The following TMCC2 variants were observed in gnomAD, a reference collection of about 807,000 sequenced individuals.
TMCC2 encodes the protein transmembrane and coiled-coil domains protein 2.
A neutral mutation model predicts 49.4 loss-of-function variants in TMCC2; 16 were observed. The ratio of observed to expected loss-of-function variants is 0.32; its 90% CI spans 0.22 to 0.49. TMCC2 has a LOEUF of 0.49. TMCC2 is among the 20% of genes least tolerant of loss of function. The pLI is 0.99. For missense variants in TMCC2, 762 were observed against 989.8 expected, an observed-to-expected ratio of 0.77 and a Z score of 3.09; for synonymous variants, 397 against 434.1, an observed-to-expected ratio of 0.91 and a Z score of 1.06.
At chr1:205,246,741 G>A in intron 2 of TMCC2, 1 of 1,527,092 alleles carries the variant, frequency 6.5e-7, no homozygotes, top group Non-Finnish European at 8.9e-7. Context: ...ATCCTGTCAA[G>A]CAGGAGTCTC....
chr1:205,271,323 G>C (rs1465233600), intron 4 of TMCC2, 68 bp downstream of exon 4: 1 of 1,612,170 alleles, frequency 6.2e-7, no homozygotes, highest in Admixed American at 1.7e-5. Flanking sequence ...AGAGGGTTAG[G>C]GTTCTTGTCA....
At chr1:205,251,894 C>A (rs1421642140) in intron 2 of TMCC2, among the ~76,000 whole-genome samples, 1 of 152,224 alleles carries the variant, frequency 6.6e-6, no homozygotes, top group Non-Finnish European at 1.5e-5. Context: ...TCAGCAGGAG[C>A]ACACCAGAAT....
At chr1:205,244,633 G>A (rs996084577) in intron 2 of TMCC2, among the ~76,000 whole-genome samples, 2 of 152,158 alleles carry the variant, frequency 1.3e-5, no homozygotes, top group Non-Finnish European at 2.9e-5. Context: ...TCTCTCTAGT[G>A]GTCCTAGCCA....
intron 1 of TMCC2, among the ~76,000 whole-genome samples, chr1:205,234,963 G>A (rs1292406048): frequency 6.6e-6 from 1 of 152,040 alleles, no homozygotes; most frequent in East Asian, 1.9e-4. Flanking sequence ...ACGGCCTAGA[G>A]CAAGATTTTA....
In TMCC2 at chr1:205,227,983, T is replaced by TGCGGCAGGCTGC. The variant is rs1659640146; in HGVS notation, c.-578_-567dup. On this transcript the variant is annotated 5_prime_UTR_variant, in exon 1 of 5. Coordinates refer to ENST00000358024, the MANE Select transcript of TMCC2 (RefSeq NM_014858.4). Reference sequence around the variant, plus strand: ...CGGGCTCGGGCCGCGGTCGCGGCTTTGCGGCAGGCTGCGCGTCAGGCGGGG... The same window carrying TGCGGCAGGCTGC: ...CGGGCTCGGGCCGCGGTCGCGGCTTTGCGGCAGGCTGCGCGGCAGGCTGCGCGTCAGGCGGGG... Among the ~76,000 whole-genome samples, 1 of 149,550 alleles carries TGCGGCAGGCTGC rather than the reference T, an allele frequency of 6.7e-6. No homozygotes were observed. The highest frequency in any genetic ancestry group is 2.1e-4 in the South Asian group (1 of 4,832).
chr1:205,239,415 A>G (rs939366274), intron 1 of TMCC2, among the ~76,000 whole-genome samples: 4 of 152,156 alleles, frequency 2.6e-5, no homozygotes, highest in African/African-American at 9.7e-5. Flanking sequence ...TCTCCCCAGC[A>G]CAGATTCAGG....
chr1:205,228,287 C>T lies in TMCC2; in HGVS notation c.-278C>T. On this transcript the variant is annotated 5_prime_UTR_variant, in exon 1 of 5. Transcript: ENST00000358024. ...GTCTCCCTTCTCCCTCCTGCAATGA[C>T]TGCCCAAGGACTCTTGCTGCCCAGC... The T allele has an allele frequency of 3.3e-6, 1 of 301,804 alleles. No individual in the cohort carries two copies. The highest frequency in any genetic ancestry group is 8.8e-5 in the South Asian group (1 of 11,310). 18.7% of individuals were successfully genotyped at this position (301,804 alleles called of 1,614,324 possible).
chr1:205,243,325 A>G (rs1420658957), intron 2 of TMCC2, among the ~76,000 whole-genome samples: 1 of 152,192 alleles, frequency 6.6e-6, no homozygotes, highest in Non-Finnish European at 1.5e-5. Context: ...CGGAGGTTGT[A>G]GTGAGCCAAG....
intron 2 of TMCC2, among the ~76,000 whole-genome samples, chr1:205,262,828 G>A (rs1574861655): frequency 6.6e-6 from 1 of 152,120 alleles, no homozygotes; most frequent in African/African-American, 2.4e-5. Context: ...TAAGGAGGAG[G>A]CTGGTGGTGG....
At position 205,269,387 on chromosome 1, in the gene TMCC2, C is replaced by A. The variant is rs749185327; in HGVS notation, c.1185C>A (p.Ile395=). Residue 395 remains isoleucine, a synonymous_variant, in exon 3 of 5, where the codon ATC becomes ATA. Coordinates refer to ENST00000358024, the MANE Select transcript of TMCC2 (RefSeq NM_014858.4). ...KDVGANVRAG[I]SGFGGGVVEG... ...TGGGCGCCAACGTGCGCGCAGGCAT[C>A]AGCGGCTTTGGGGGCGGCGTGGTGG... is the stretch of plus-strand genomic sequence containing the variant. 1 of 1,609,178 alleles carries A rather than the reference C, an allele frequency of 6.2e-7. No individual in the cohort carries two copies. The highest frequency in any genetic ancestry group is 1.3e-5 in the African/African-American group (1 of 74,954).
intron 1 of TMCC2, among the ~76,000 whole-genome samples, chr1:205,232,647 C>A (rs973490390): frequency 1.3e-5 from 2 of 151,972 alleles, no homozygotes; most frequent in Non-Finnish European, 2.9e-5. Context: ...ATACAGCATA[C>A]GGGCCGGGAG....
chr1:205,255,703 G>A (rs1161397640), intron 2 of TMCC2, among the ~76,000 whole-genome samples: 1 of 152,184 alleles, frequency 6.6e-6, no homozygotes, highest in Admixed American at 6.5e-5. Flanking sequence ...AGTATTGAGG[G>A]AGGATCAGTC....
chr1:205,229,708 G>A (rs559765903), intron 1 of TMCC2: 1 of 985,536 alleles, frequency 1.0e-6, no homozygotes, highest in East Asian at 1.1e-4. Context: ...GGCTGGTTTG[G>A]GGCCTCAGTT....
intron 1 of TMCC2, among the ~76,000 whole-genome samples, chr1:205,231,693 G>A (rs1472487062): frequency 6.6e-6 from 1 of 152,190 alleles, no homozygotes; most frequent in Non-Finnish European, 1.5e-5. Context: ...CTGGAACTGG[G>A]TAGAAGTTGA....
In TMCC2 at chr1:205,269,111, C is replaced by T. The variant is rs760750896; in HGVS notation, c.909C>T (p.Ile303=). 14 of 1,613,992 alleles carry T rather than the reference C, an allele frequency of 8.7e-6. No homozygotes were observed. Among genetic ancestry groups the T allele is most frequent in the Non-Finnish European group, 1.2e-5 (14 of 1,180,050 alleles). ...HQKILKITEQ[I]KIEQEARDDN... is the part of the protein sequence containing the mutation. ...AGATCCTGAAGATCACCGAGCAGATCAAGATTGAGCAGGAGGCTCGCGACG... is the reference window on the plus strand; with the variant it reads ...AGATCCTGAAGATCACCGAGCAGATTAAGATTGAGCAGGAGGCTCGCGACG... The change falls in exon 3 of 5, where the codon ATC becomes ATT. Residue 303 remains isoleucine (I), a synonymous_variant. Transcript: ENST00000358024.
chr1:205,240,376 C>T (rs756062524), intron 1 of TMCC2, among the ~76,000 whole-genome samples: 13 of 152,350 alleles, frequency 8.5e-5, no homozygotes, highest in African/African-American at 1.9e-4. Flanking sequence ...TGGGCGGCAC[C>T]GGGTTGCAGT....
At chr1:205,266,240 CAAAAAAA>C (rs35034505) in intron 2 of TMCC2, among the ~76,000 whole-genome samples, 1 of 49,280 alleles carries the variant, frequency 2.0e-5, no homozygotes. Flanking sequence ...GACTCTGTCT[CAAAAAAA>C]AAAAAAAAAA....
rs781304243 is a variant in TMCC2, at chr1:205,241,952, C to G, written c.655C>G (p.Arg219Gly). ...CCTGCACCAGCACCAGTGCCGTCCC[C>G]GCTCTTCCTCCACCACCGACACTGC... is the stretch of plus-strand genomic sequence containing the variant. Reference protein sequence around the residue: ...AILHQHQCRPRSSSTTDTALL... With the variant: ...AILHQHQCRPGSSSTTDTALL... Residue 219 changes from arginine (R) to glycine (G), a missense_variant, in exon 2 of 5, where the codon CGC (arginine) becomes GGC (glycine). Around this residue, in one of 2 missense-constraint regions of TMCC2, gnomAD observed 322 missense variants for 353.1 expected, o/e 0.91. Transcript: ENST00000358024. The surrounding 1 kb of genome is among the most constrained non-coding windows in gnomAD (Gnocchi z 7.3). 8.1e-6 allele frequency: 13 copies of G among 1,611,530 alleles called. No homozygotes were observed. Among genetic ancestry groups the G allele is most frequent in the Non-Finnish European group, 9.3e-6 (11 of 1,179,900 alleles).
At chr1:205,233,018 G>A (rs1036606252) in intron 1 of TMCC2, among the ~76,000 whole-genome samples, 3 of 141,150 alleles carry the variant, frequency 2.1e-5, no homozygotes, top group Non-Finnish European at 3.0e-5. Context: ...AAACCACAAC[G>A]TGTGGTAGAT....
Sources: gnomAD v4.1 joint callset for allele counts (sites outside exome capture counted in the v4.1 genomes callset) on GRCh38, gnomAD v4.1.1 for gene constraint, gnomAD v4.1.1 regional missense constraint, Gnocchi (gnomAD v3.1) non-coding constraint, MANE v1.5 for transcripts, NCBI Gene and HGNC (gene_info 2026-07-23, HGNC 2026-07-21) for gene names.